CRYBG3: variants seen among roughly 807,000 people sequenced by gnomAD.
The protein encoded by CRYBG3 is very large A-kinase anchor protein.
In CRYBG3, 127 loss-of-function variants were observed where a neutral mutation model predicts 244.2. The ratio of observed to expected loss-of-function variants is 0.52; its 90% CI spans 0.45 to 0.60. The LOEUF is 0.60. CRYBG3 is among the 20% of genes least tolerant of loss of function. The pLI, the probability that CRYBG3 is intolerant of heterozygous loss-of-function variation, is 0.00. For missense variants in CRYBG3, 3,325 were observed against 3,442.5 expected, an observed-to-expected ratio of 0.97 and a Z score of 0.85; for synonymous variants, 1,132 against 1,195.8, an observed-to-expected ratio of 0.95 and a Z score of 1.10.
Position 97,874,285 on chromosome 3 carries a change from G to T in CRYBG3, c.3091G>T (p.Val1031Leu), listed in dbSNP as rs1450973210. 1.3e-6 allele frequency: 2 copies of T among 1,532,460 alleles called. No homozygotes were observed. The highest frequency in any genetic ancestry group is 2.4e-5 in the South Asian group (2 of 82,900). The allele number at this position is 1,532,460 out of a possible 1,614,324, so 94.9% of individuals were successfully genotyped here. Reference protein sequence around the residue: ...SASEDSSFLKVPSVLKLEKKS... With the variant: ...SASEDSSFLKLPSVLKLEKKS... ...ATCTGAGGACTCAAGCTTCCTTAAA[G>T]TACCTTCTGTGCTGAAATTGGAAAA... Residue 1031 changes from valine (V) to leucine (L), a missense_variant, in exon 4 of 22, where the codon GTA becomes TTA. Physicochemically the swap from Val to Leu is conservative, Grantham distance 32. Coordinates refer to ENST00000389622, the MANE Select transcript of CRYBG3 (RefSeq NM_153605.4).
chr3:97,888,475 A>T lies in CRYBG3; in HGVS notation c.7404+20A>T. On this transcript the variant is annotated intron_variant, in intron 9 of 21. Transcript: ENST00000389622. ...CAAATGGTAAGCAAATTTAAAAAGA[A>T]GCATTCCTTTTCCCAAGTACCCATG... 1 of 1,487,994 alleles carries T rather than the reference A, an allele frequency of 6.7e-7. No homozygotes were observed. Among genetic ancestry groups the T allele is most frequent in the Non-Finnish European group, 9.4e-7 (1 of 1,066,298 alleles). 92.2% of individuals were successfully genotyped at this position (1,487,994 alleles called of 1,614,324 possible).
chr3:97,864,694 C>T, intron 3 of CRYBG3, 47 bp downstream of exon 3: 1 of 1,343,048 alleles, frequency 7.4e-7, no homozygotes, highest in Non-Finnish European at 1.0e-6. Context: ...GCTTTTTGGA[C>T]CTAGCTTTTG....
In CRYBG3 at chr3:97,877,218, A is replaced by AGAG; in HGVS notation, c.6030_6032dup (p.Glu2010dup). On this transcript the variant is annotated inframe_insertion, in exon 4 of 22. Coordinates refer to ENST00000389622, the MANE Select transcript of CRYBG3 (RefSeq NM_153605.4). ...CTATATTATACGAAGAGCCCCTTCAAGAGGAGGACAAGTATGCTTCCGCAG... is the reference window on the plus strand; with the variant it reads ...CTATATTATACGAAGAGCCCCTTCAAGAGGAGGAGGACAAGTATGCTTCCGCAG... 6.2e-7 allele frequency: 1 copy of AGAG among 1,614,038 alleles called. No homozygotes were observed. The highest frequency in any genetic ancestry group is 8.5e-7 in the Non-Finnish European group (1 of 1,179,932).
In CRYBG3 at chr3:97,876,370, A is replaced by G; in HGVS notation, c.5176A>G (p.Ile1726Val). The G allele has an allele frequency of 8.1e-7, 1 of 1,232,120 alleles. No homozygotes were observed. Among genetic ancestry groups the G allele is most frequent in the African/African-American group, 1.5e-5 (1 of 64,540 alleles). The allele number at this position is 1,232,120 out of a possible 1,614,324, so 76.3% of individuals were successfully genotyped here. ...NTYQKDAEGD[I>V]GKAEVMPVRL... Reference sequence around the variant, plus strand: ...TTACCAAAAGGATGCTGAAGGGGATATTGGAAAGGCTGAAGTGATGCCTGT... The same window carrying G: ...TTACCAAAAGGATGCTGAAGGGGATGTTGGAAAGGCTGAAGTGATGCCTGT... Residue 1726 changes from isoleucine (I) to valine (V), a missense_variant, in exon 4 of 22, where the codon ATT (isoleucine) becomes GTT (valine). By Grantham distance (29) the Ile-to-Val change is conservative (BLOSUM62 3). This residue lies in a region of CRYBG3 where 635 missense variants were observed against 771.7 expected (regional missense o/e 0.82). Transcript: ENST00000389622.
Position 97,874,916 on chromosome 3 carries a change from A to G in CRYBG3, c.3722A>G (p.Glu1241Gly), listed in dbSNP as rs1441734555. 6.5e-7 allele frequency: 1 copy of G among 1,535,440 alleles called. No homozygotes were observed. Among genetic ancestry groups the G allele is most frequent in the Non-Finnish European group, 8.7e-7 (1 of 1,146,738 alleles). Reference sequence around the variant, plus strand: ...ATAATGAATCTGGGTACCCTGAAAGAAGACATCTCTGAGAAAAACCCATCA... The same window carrying G: ...ATAATGAATCTGGGTACCCTGAAAGGAGACATCTCTGAGAAAAACCCATCA... Reference protein sequence around the residue: ...EGIMNLGTLKEDISEKNPSEV... With the variant: ...EGIMNLGTLKGDISEKNPSEV... Residue 1241 changes from glutamate to glycine, a missense_variant, in exon 4 of 22, where the codon GAA becomes GGA. By Grantham distance (98) the Glu-to-Gly change is moderately conservative. This residue lies in a region of CRYBG3 where 1,526 missense variants were observed against 1,443.2 expected (regional missense o/e 1.06). Transcript: ENST00000389622.
Position 97,934,121 on chromosome 3 carries a change from ATGT to A in CRYBG3, c.8381+293_8381+295del, listed in dbSNP as rs553479532. On this transcript the variant is annotated intron_variant, in intron 18 of 21. Transcript: ENST00000389622. Reference sequence around the variant, plus strand: ...GTGACTGCTGGCAAGACCAAGTTCGATGTTGTTTTTTGATTTAATAGCCATGTA... The same window carrying A: ...GTGACTGCTGGCAAGACCAAGTTCGATGTTTTTTGATTTAATAGCCATGTA... Among the ~76,000 whole-genome samples, 785 of 152,128 alleles carry A rather than the reference ATGT, an allele frequency of 5.2e-3. 4 individuals are homozygous for A. The highest frequency in any genetic ancestry group is 0.018 in the African/African-American group (745 of 41,530).
intron 1 of CRYBG3, among the ~76,000 whole-genome samples, chr3:97,826,119 C>G (rs2038573571): frequency 6.6e-6 from 1 of 152,160 alleles, no homozygotes; most frequent in Non-Finnish European, 1.5e-5. Context: ...CTCTGCTCCT[C>G]TAGGTTAATT....
At chr3:97,912,033 A>G in intron 15 of CRYBG3, 134 bp from the exon 16 acceptor site, 1 of 468,434 alleles carries the variant, frequency 2.1e-6, no homozygotes, top group Non-Finnish European at 3.8e-6. Flanking sequence ...ACATGAATTC[A>G]TTGATAATAG....
chr3:97,876,940 G>A lies in CRYBG3; in HGVS notation c.5746G>A (p.Glu1916Lys). Residue 1916 changes from glutamate (E) to lysine (K), a missense_variant, in exon 4 of 22, where the codon GAA (glutamate) becomes AAA (lysine). Glu to Lys is a moderately conservative substitution (Grantham distance 56). Coordinates refer to ENST00000389622, the MANE Select transcript of CRYBG3 (RefSeq NM_153605.4). ...AAAGGAAGAGCCTACAGAAATAAAG[G>A]AAGGCTTGATAGCACATGAAAATAG... ...ETKEEPTEIKEGLIAHENRLP... is the reference protein window; with the variant it reads ...ETKEEPTEIKKGLIAHENRLP... The A allele has an allele frequency of 6.7e-7, 1 of 1,486,222 alleles. No individual in the cohort carries two copies. The highest frequency in any genetic ancestry group is 8.9e-7 in the Non-Finnish European group (1 of 1,119,506). The allele number at this position is 1,486,222 out of a possible 1,614,324, so 92.1% of individuals were successfully genotyped here.
At chr3:97,933,144 G>T in intron 17 of CRYBG3, 1 of 454,400 alleles carries the variant, frequency 2.2e-6, no homozygotes, top group South Asian at 1.6e-5. Context: ...GTCTATTCTT[G>T]TCTGACATGA....
At chr3:97,851,454 A>G (rs965029238) in intron 2 of CRYBG3, among the ~76,000 whole-genome samples, 2 of 152,246 alleles carry the variant, frequency 1.3e-5, no homozygotes, top group Non-Finnish European at 2.9e-5. Context: ...AGGCAGACAT[A>G]TGATATTAGG....
Position 97,872,206 on chromosome 3 carries a change from T to TG in CRYBG3, c.1017dup (p.Ser340GlufsTer3), listed in dbSNP as rs1207983434. 4 of 1,535,758 alleles carry TG rather than the reference T, an allele frequency of 2.6e-6. No homozygotes were observed. Among genetic ancestry groups the TG allele is most frequent in the Admixed American group, 2.0e-5 (1 of 50,978 alleles). ...CAATAATCTTTTAAATAAAAATGCTTGGGGGAGTATTGAGAGAAATAGGTC... is the reference window on the plus strand; with the variant it reads ...CAATAATCTTTTAAATAAAAATGCTTGGGGGGAGTATTGAGAGAAATAGGTC... On this transcript the variant is annotated frameshift_variant, in exon 4 of 22. Transcript: ENST00000389622. LOFTEE classifies it high-confidence loss of function.
intron 10 of CRYBG3, 149 bp from the exon 11 acceptor site, chr3:97,892,711 T>TAATAC (rs763327682): frequency 2.8e-5 from 14 of 492,028 alleles, no homozygotes; most frequent in Non-Finnish European, 4.2e-5. Flanking sequence ...TAGTTTTTTG[T>TAATAC]AATACACCTT....
chr3:97,875,461 G>A lies in CRYBG3; in HGVS notation c.4267G>A (p.Asp1423Asn), dbSNP rs1186696861. The A allele has an allele frequency of 1.5e-6, 2 of 1,323,164 alleles. No individual in the cohort carries two copies. Among genetic ancestry groups the A allele is most frequent in the African/African-American group, 3.0e-5 (2 of 65,862 alleles). 82.0% of individuals were successfully genotyped at this position (1,323,164 alleles called of 1,614,324 possible). ...LSDSINLQES[D>N]TVLLAEDMSH... ...TGATAGTATAAATTTGCAGGAATCA[G>A]ATACGGTTTTACTAGCTGAAGACAT... is the stretch of plus-strand genomic sequence containing the variant. The change falls in exon 4 of 22, where the codon GAT (aspartate) becomes AAT (asparagine). Residue 1423 changes from aspartate (D) to asparagine (N), a missense_variant. Asp to Asn is a conservative substitution (Grantham distance 23, BLOSUM62 1). This residue lies in a region of CRYBG3 where 635 missense variants were observed against 771.7 expected (regional missense o/e 0.82). Transcript: ENST00000389622.
chr3:97,940,074 A>G (rs1470677090), intron 19 of CRYBG3, among the ~76,000 whole-genome samples: 2 of 152,036 alleles, frequency 1.3e-5, no homozygotes, highest in African/African-American at 2.4e-5. Flanking sequence ...TTACTCAGCC[A>G]GGGTTCTAAT....
intron 1 of CRYBG3, among the ~76,000 whole-genome samples, chr3:97,830,417 A>G (rs1014732497): frequency 6.6e-6 from 1 of 151,948 alleles, no homozygotes; most frequent in Non-Finnish European, 1.5e-5. Flanking sequence ...TGATCTCTCT[A>G]CTACTCAGCC....
intron 17 of CRYBG3, among the ~76,000 whole-genome samples, chr3:97,928,266 C>T (rs898516152): frequency 1.3e-5 from 2 of 151,944 alleles, no homozygotes; most frequent in African/African-American, 4.8e-5. Flanking sequence ...AACATGGATG[C>T]AGCTGGAGGC....
intron 16 of CRYBG3, among the ~76,000 whole-genome samples, chr3:97,913,113 A>G (rs952177088): frequency 2.6e-5 from 4 of 152,240 alleles, no homozygotes; most frequent in Middle Eastern, 3.4e-3. Flanking sequence ...CTTCAGTGTC[A>G]TCTTATTTCT....
At chr3:97,826,935 A>G (rs1209866644) in intron 1 of CRYBG3, among the ~76,000 whole-genome samples, 1 of 152,244 alleles carries the variant, frequency 6.6e-6, no homozygotes, top group African/African-American at 2.4e-5. Flanking sequence ...TGAGAACTTT[A>G]ACTGGGCTTT....
Sources: allele counts gnomAD v4.1 joint callset (sites outside exome capture counted in the v4.1 genomes callset), GRCh38; gene constraint gnomAD v4.1.1; regional missense constraint gnomAD v4.1.1; transcripts MANE v1.5; gene names NCBI Gene and HGNC (gene_info 2026-07-23, HGNC 2026-07-21).